The following LRRC4C variants were observed in gnomAD, a reference collection of about 807,000 sequenced individuals.
The protein encoded by LRRC4C is leucine rich repeat containing 4C, also known as leucine-rich repeat-containing protein 4C.
Under a neutral mutation model 33.6 loss-of-function variants are expected in LRRC4C, and 5 were observed. The observed-to-expected ratio is 0.15, with a 90% CI of 0.08 to 0.31. The LOEUF (loss-of-function observed/expected upper bound fraction) is 0.31. LRRC4C is among the 10% of genes least tolerant of loss of function. LRRC4C has a pLI of 1.00. For missense variants in LRRC4C, 560 were observed against 796.7 expected, an observed-to-expected ratio of 0.70 and a Z score of 3.58; for synonymous variants, 329 against 302.0, an observed-to-expected ratio of 1.09 and a Z score of -0.93.
chr11:41,109,580 G>A (rs544934878), intron 1 of LRRC4C, among the ~76,000 whole-genome samples: 4 of 152,108 alleles, frequency 2.6e-5, no homozygotes, highest in South Asian at 4.1e-4. Flanking sequence ...CTTCTTTACC[G>A]TCTCTAAATA....
rs999313906 is a variant in LRRC4C, at chr11:40,679,479, G to T, written c.-406-31201C>A. ...TTGCAGCAGCCCCTCCCCATCACAG[G>T]CCTGGAAGTTTAGGAGCAAAAAATT... On this transcript the variant is annotated intron_variant, in intron 2 of 6. Transcript: ENST00000528697. Among the ~76,000 whole-genome samples, 10 of 152,266 alleles carry T rather than the reference G, an allele frequency of 6.6e-5. No homozygotes were observed. The South Asian group carries it at 1.7e-3, about 25-fold the overall frequency.
intron 1 of LRRC4C, among the ~76,000 whole-genome samples, chr11:40,936,340 T>G (rs1231346199): frequency 2.0e-4 from 28 of 141,368 alleles, no homozygotes; most frequent in African/African-American, 7.4e-4. Flanking sequence ...ACACTTGTTT[T>G]TTTTTTTTTT....
intron 5 of LRRC4C, among the ~76,000 whole-genome samples, chr11:40,191,612 A>G (rs1296252406): frequency 6.6e-6 from 1 of 152,176 alleles, no homozygotes; most frequent in Non-Finnish European, 1.5e-5. Flanking sequence ...GATGAAACCC[A>G]TTTGTCATTC....
At chr11:41,203,927 A>T (rs533972395) in intron 1 of LRRC4C, among the ~76,000 whole-genome samples, 1 of 152,226 alleles carries the variant, frequency 6.6e-6, no homozygotes, top group South Asian at 2.1e-4. Flanking sequence ...TATGAAAAGT[A>T]GAAGGTATTT....
chr11:40,887,024 G>GC (rs1201285479), intron 2 of LRRC4C, among the ~76,000 whole-genome samples: 2 of 148,056 alleles, frequency 1.4e-5, no homozygotes, highest in East Asian at 2.0e-4. Context: ...ACACATACGA[G>GC]AAAATATATA....
At chr11:40,296,515 GT>G (rs1433947205) in intron 4 of LRRC4C, among the ~76,000 whole-genome samples, 3 of 152,104 alleles carry the variant, frequency 2.0e-5, no homozygotes, top group Admixed American at 2.0e-4. Context: ...TAACATTAAG[GT>G]TTTGGTAACA....
intron 3 of LRRC4C, among the ~76,000 whole-genome samples, chr11:40,488,537 G>C (rs1355421555): frequency 1.3e-5 from 2 of 152,098 alleles, no homozygotes; most frequent in African/African-American, 4.8e-5. Context: ...TTATTCTGTA[G>C]TGATTTGGTC....
intron 1 of LRRC4C, among the ~76,000 whole-genome samples, chr11:41,170,771 A>G (rs1944939609): frequency 6.6e-6 from 1 of 152,210 alleles, no homozygotes; most frequent in African/African-American, 2.4e-5. Flanking sequence ...TAATTAAACT[A>G]AAGAGCTCTG....
intron 1 of LRRC4C, among the ~76,000 whole-genome samples, chr11:41,127,162 CT>C (rs1382208394): frequency 2.6e-5 from 4 of 151,656 alleles, no homozygotes; most frequent in Non-Finnish European, 5.9e-5. Flanking sequence ...GCTAATAATT[CT>C]TATATTTATA....
At chr11:40,250,769 A>C (rs1866729545) in intron 4 of LRRC4C, among the ~76,000 whole-genome samples, 1 of 151,772 alleles carries the variant, frequency 6.6e-6, no homozygotes. Context: ...AAAAATTCTG[A>C]CCCTTTCAAT....
At chr11:41,187,116 G>T (rs565485206) in intron 1 of LRRC4C, among the ~76,000 whole-genome samples, 1 of 152,114 alleles carries the variant, frequency 6.6e-6, no homozygotes. Flanking sequence ...AGGGGAGCAG[G>T]GGAAGTGTTG....
chr11:40,974,951 TACA>T (rs556414581), intron 1 of LRRC4C, among the ~76,000 whole-genome samples: 208 of 152,250 alleles, frequency 1.4e-3, no homozygotes, highest in African/African-American at 4.5e-3. Flanking sequence ...GACTGAGAAT[TACA>T]ACATCAGCTT....
chr11:40,147,293 G>A (rs1207659617), intron 5 of LRRC4C, among the ~76,000 whole-genome samples: 1 of 152,048 alleles, frequency 6.6e-6, no homozygotes, highest in Non-Finnish European at 1.5e-5. Context: ...ATACGACTTT[G>A]GGAAATTTTT....
chr11:40,467,343 T>A (rs2138249095), intron 3 of LRRC4C, among the ~76,000 whole-genome samples: 1 of 152,286 alleles, frequency 6.6e-6, no homozygotes, highest in South Asian at 2.1e-4. Flanking sequence ...TCATTATTAC[T>A]TTGAACTAGA....
At chr11:41,178,694 C>G (rs935011981) in intron 1 of LRRC4C, among the ~76,000 whole-genome samples, 1 of 151,988 alleles carries the variant, frequency 6.6e-6, no homozygotes, top group Non-Finnish European at 1.5e-5. Context: ...AGGTGAGACC[C>G]AGGAATCTGT....
intron 1 of LRRC4C, among the ~76,000 whole-genome samples, chr11:41,124,110 T>C (rs1942616613): frequency 6.6e-6 from 1 of 152,234 alleles, no homozygotes; most frequent in African/African-American, 2.4e-5. Context: ...AAGATAATTA[T>C]GATGATGAGA....
At chr11:40,523,947 T>C (rs1000910466) in intron 3 of LRRC4C, among the ~76,000 whole-genome samples, 1 of 152,172 alleles carries the variant, frequency 6.6e-6, no homozygotes, top group African/African-American at 2.4e-5. Context: ...TTTTGGGGGA[T>C]GTAGTAATAA....
chr11:41,031,147 T>C (rs55712285), intron 1 of LRRC4C, among the ~76,000 whole-genome samples: 14,359 of 151,974 alleles, frequency 0.094, 730 homozygotes, highest in African/African-American at 0.12. Context: ...CCACCTGAAG[T>C]TGATTTTATT....
intron 3 of LRRC4C, among the ~76,000 whole-genome samples, chr11:40,337,025 G>A (rs1195505399): frequency 1.3e-5 from 2 of 150,638 alleles, no homozygotes; most frequent in African/African-American, 4.9e-5. Context: ...CAGGGAAAGG[G>A]AGTGGAGGAG....
Sources: allele counts gnomAD v4.1 joint callset (sites outside exome capture counted in the v4.1 genomes callset), GRCh38; gene constraint gnomAD v4.1.1; transcripts MANE v1.5; gene names NCBI Gene and HGNC (gene_info 2026-07-23, HGNC 2026-07-21).